The following KLHL2 variants were observed in gnomAD, a reference collection of about 807,000 sequenced individuals.
KLHL2 encodes kelch like family member 2, also known as kelch-like protein 2.
A neutral mutation model predicts 75.8 loss-of-function variants in KLHL2; 15 were observed. The ratio of observed to expected loss-of-function variants is 0.20; its 90% CI spans 0.13 to 0.30. The LOEUF (loss-of-function observed/expected upper bound fraction) is 0.30, where lower values mean the gene tolerates loss of function less well. KLHL2 is among the 10% of genes least tolerant of loss of function. The pLI, the probability that KLHL2 is intolerant of heterozygous loss-of-function variation, is 1.00. For synonymous variants in KLHL2, 214 were observed against 251.9 expected (o/e 0.85, Z 1.42); for missense variants, 381 against 741.0 (o/e 0.51, Z 5.64).
At chr4:165,275,865 A>G (rs1243619189) in intron 5 of KLHL2, among the ~76,000 whole-genome samples, 3 of 152,170 alleles carry the variant, frequency 2.0e-5, no homozygotes, top group East Asian at 3.9e-4. Context: ...CCACACCTGC[A>G]ATCCCAGCAC....
intron 5 of KLHL2, chr4:165,279,540 G>C (rs966529613): frequency 3.2e-6 from 5 of 1,556,006 alleles, no homozygotes; most frequent in Non-Finnish European, 4.4e-6. Context: ...TGATGACTAA[G>C]TAGTTCAGCT....
chr4:165,288,939 T>C (rs1744299120), intron 5 of KLHL2, among the ~76,000 whole-genome samples: 1 of 151,896 alleles, frequency 6.6e-6, no homozygotes, highest in African/African-American at 2.4e-5. Flanking sequence ...TATAAGAGCA[T>C]TTAATGTCAT....
chr4:165,262,751 A>G, intron 4 of KLHL2, among the ~76,000 whole-genome samples: 1 of 151,772 alleles, frequency 6.6e-6, no homozygotes, highest in South Asian at 2.1e-4. Context: ...GCTAATTTTT[A>G]TATTTTTTGT....
Position 165,299,489 on chromosome 4 carries a change from T to C in KLHL2, c.772-18T>C. 6.3e-7 allele frequency: 1 copy of C among 1,594,200 alleles called. No individual in the cohort carries two copies. The highest frequency in any genetic ancestry group is 8.5e-7 in the Non-Finnish European group (1 of 1,170,008). On this transcript the variant is annotated intron_variant, in intron 7 of 14. Transcript: ENST00000226725. The stretch of plus-strand genomic sequence containing the variant: ...AATAGCCCTACCCTCAGTGGGTGTG[T>C]CTGATTTCTTGTTACAGAGGGTTGA...
intron 2 of KLHL2, among the ~76,000 whole-genome samples, chr4:165,224,241 CCTA>C (rs1218768551): frequency 6.6e-6 from 1 of 150,634 alleles, no homozygotes; most frequent in Non-Finnish European, 1.5e-5. Context: ...AAAAAAAAAA[CCTA>C]CTGTTTTTTA....
At chr4:165,221,501 A>G (rs1256193747) in intron 2 of KLHL2, among the ~76,000 whole-genome samples, 1 of 152,190 alleles carries the variant, frequency 6.6e-6, no homozygotes, top group East Asian at 1.9e-4. Flanking sequence ...GTGTTGCTGC[A>G]GTGCACGTGG....
In KLHL2 at chr4:165,210,019, A is replaced by G. The variant is rs1168248433; in HGVS notation, c.26+2117A>G. On this transcript the variant is annotated intron_variant, in intron 1 of 14. Transcript: ENST00000226725. ...TTAGGAAGGAACTTTACCGGGCCTC[A>G]CTGCCAGAGCTGGGCTAGAACAGAG... is the stretch of plus-strand genomic sequence containing the variant. 9 of 1,524,438 alleles carry G rather than the reference A, an allele frequency of 5.9e-6. No individual in the cohort carries two copies. In the South Asian group the frequency reaches 7.5e-5, roughly 13 times the overall value. The allele number at this position is 1,524,438 out of a possible 1,614,324, so 94.4% of individuals were successfully genotyped here. A position where few individuals can be genotyped will look rare whatever the true frequency, so the allele number is the denominator to read the frequency against.
intron 5 of KLHL2, among the ~76,000 whole-genome samples, chr4:165,268,466 C>T (rs548919495): frequency 1.1e-4 from 16 of 152,246 alleles, no homozygotes; most frequent in South Asian, 8.3e-4. Context: ...GTAAATTTCC[C>T]GCTACACACT....
chr4:165,207,719 C>G lies in KLHL2; in HGVS notation c.-158C>G, dbSNP rs906802060. The G allele has an allele frequency of 3.0e-6, 1 of 330,322 alleles. No homozygotes were observed. Among genetic ancestry groups the G allele is most frequent in the African/African-American group, 2.2e-5 (1 of 44,572 alleles). The allele number at this position is 330,322 out of a possible 1,614,324, so 20.5% of individuals were successfully genotyped here. ...CCGAGCGGGCCATGGCCGCGGGGGC[C>G]GCCGCCGCAGGTGGTGGCGCGCGGT... On this transcript the variant is annotated 5_prime_UTR_variant, in exon 1 of 15. Transcript: ENST00000226725. The surrounding 1 kb of genome is among the most constrained non-coding windows in gnomAD (Gnocchi z 4.2).
At chr4:165,290,205 C>T (rs1037372899) in intron 5 of KLHL2, among the ~76,000 whole-genome samples, 7 of 151,846 alleles carry the variant, frequency 4.6e-5, no homozygotes, top group South Asian at 4.1e-4. Context: ...TATAGTGGCA[C>T]GATCATGGCT....
At chr4:165,241,529 TTGG>T (rs1317178975) in intron 4 of KLHL2, among the ~76,000 whole-genome samples, 3 of 152,200 alleles carry the variant, frequency 2.0e-5, no homozygotes, top group African/African-American at 7.2e-5. Context: ...CAAATGTTTC[TTGG>T]TGGTGGTATA....
intron 1 of KLHL2, chr4:165,210,272 C>T (rs1191462168): frequency 1.7e-6 from 2 of 1,205,352 alleles, no homozygotes; most frequent in African/African-American, 1.5e-5. Flanking sequence ...CTTGTGTTCT[C>T]TTTTAACATC....
At chr4:165,274,028 G>T (rs1321987416) in intron 5 of KLHL2, among the ~76,000 whole-genome samples, 1 of 152,040 alleles carries the variant, frequency 6.6e-6, no homozygotes, top group East Asian at 1.9e-4. Flanking sequence ...ACTCCAAGAG[G>T]GTGACAGGAC....
chr4:165,301,487 C>T (rs1745345934), intron 8 of KLHL2, among the ~76,000 whole-genome samples: 1 of 152,156 alleles, frequency 6.6e-6, no homozygotes, highest in African/African-American at 2.4e-5. Context: ...TCCCTTAATA[C>T]CTCAGTATTC....
chr4:165,225,351 A>G (rs1157804012), intron 2 of KLHL2, among the ~76,000 whole-genome samples: 14 of 152,304 alleles, frequency 9.2e-5, no homozygotes, highest in Admixed American at 7.2e-4. Flanking sequence ...TCTCCCTCAC[A>G]TGACTGTAAA....
chr4:165,274,328 G>A (rs1742910660), intron 5 of KLHL2, among the ~76,000 whole-genome samples: 1 of 152,040 alleles, frequency 6.6e-6, no homozygotes, highest in Admixed American at 6.6e-5. Context: ...AGCACTCTCG[G>A]GCTGGGCGCA....
At position 165,313,373 on chromosome 4, in the gene KLHL2, G is replaced by C. The variant is rs200127698; in HGVS notation, c.1468+7G>C. The C allele has an allele frequency of 1.4e-5, 21 of 1,486,826 alleles. No individual in the cohort carries two copies. Among genetic ancestry groups the C allele is most frequent in the Non-Finnish European group, 1.9e-5 (21 of 1,119,472 alleles). 92.1% of individuals were successfully genotyped at this position (1,486,826 alleles called of 1,614,324 possible). The stretch of plus-strand genomic sequence containing the variant: ...ACCAGGCGGAGTGGAGCAGGTACAT[G>C]TGAACCTGTTTTAGCAACTGAAGCA... On this transcript the variant is annotated splice_region_variant and intron_variant, in intron 12 of 14. Transcript: ENST00000226725.
chr4:165,254,076 C>G (rs1312538524), intron 4 of KLHL2, among the ~76,000 whole-genome samples: 6 of 152,202 alleles, frequency 3.9e-5, no homozygotes, highest in Non-Finnish European at 7.3e-5. Context: ...GTTAAAAATA[C>G]TTGGTGTGGA....
rs1273958149 is a variant in KLHL2 at position 165,263,240 on chromosome 4, A to G, written c.425A>G (p.Lys142Arg). 1.9e-6 allele frequency: 3 copies of G among 1,614,092 alleles called. No individual in the cohort carries two copies. Among genetic ancestry groups the G allele is most frequent in the African/African-American group, 2.7e-5 (2 of 75,040 alleles). Residue 142 changes from lysine (K) to arginine (R), a missense_variant, in exon 5 of 15, where the codon AAG becomes AGG. Lys to Arg is a conservative substitution (Grantham distance 26). Around this residue, in one of 5 missense-constraint regions of KLHL2, gnomAD observed 51 missense variants for 101.3 expected, o/e 0.50. Transcript: ENST00000226725. ...GGTCTCTTACAGTTACAGGATGTGA[A>G]GAAGACTTGTTGTGAATTTTTGGAA... Reference protein sequence around the residue: ...AAGLLQLQDVKKTCCEFLESQ... With the variant: ...AAGLLQLQDVRKTCCEFLESQ...
Sources: gnomAD v4.1 joint callset for allele counts (sites outside exome capture counted in the v4.1 genomes callset) on GRCh38, gnomAD v4.1.1 for gene constraint, gnomAD v4.1.1 regional missense constraint, Gnocchi (gnomAD v3.1) non-coding constraint, MANE v1.5 for transcripts, NCBI Gene and HGNC (gene_info 2026-07-23, HGNC 2026-07-21) for gene names.